Variants in ELOVL6 observed in about 807,000 individuals in gnomAD.
ELOVL6 encodes the protein very long chain fatty acid elongase 6.
In ELOVL6, 8 loss-of-function variants were observed where a neutral mutation model predicts 31.7. The observed-to-expected ratio is 0.25, with a 90% CI of 0.15 to 0.45. ELOVL6 has a LOEUF of 0.45. Ranked by LOEUF, ELOVL6 falls within the 20% of genes least tolerant of loss-of-function variation. The pLI is 1.00. For synonymous variants in ELOVL6, 101 were observed against 117.7 expected (o/e 0.86, Z 0.92); for missense variants, 126 against 326.4 (o/e 0.39, Z 4.73).
At chr4:110,132,816 G>A (rs1004542266) in intron 1 of ELOVL6, among the ~76,000 whole-genome samples, 11 of 151,922 alleles carry the variant, frequency 7.2e-5, no homozygotes, top group Admixed American at 2.6e-4. Context: ...CTCCAGCCTA[G>A]GCAGTACAGC....
rs58644594 is a variant in ELOVL6 at position 110,147,780 on chromosome 4, GACACACACAC to G, written c.90-42162_90-42153del. ...CACTGCAGCCCAGGTGACAGAGCAGGACACACACACACACACACACACACACACACACACA... is the reference window on the plus strand; with the variant it reads ...CACTGCAGCCCAGGTGACAGAGCAGGACACACACACACACACACACACACA... On this transcript the variant is annotated intron_variant, in intron 1 of 3. Coordinates refer to ENST00000302274, the MANE Select transcript of ELOVL6 (RefSeq NM_024090.3). Among the ~76,000 whole-genome samples the G allele has an allele frequency of 3.2e-4, 45 of 142,742 alleles. No homozygotes were observed. The East Asian group carries it at 3.2e-3, about 10-fold the overall frequency. 93.6% of individuals were successfully genotyped at this position (142,742 alleles called of 152,430 possible). A position where few individuals can be genotyped will look rare whatever the true frequency, so the allele number is the denominator to read the frequency against.
intron 1 of ELOVL6, among the ~76,000 whole-genome samples, chr4:110,196,174 G>T (rs1462505118): frequency 6.6e-6 from 1 of 152,190 alleles, no homozygotes; most frequent in South Asian, 2.1e-4. Flanking sequence ...GGAATGGCGG[G>T]CGTACAGTGA....
intron 1 of ELOVL6, among the ~76,000 whole-genome samples, chr4:110,148,473 G>A (rs1176876384): frequency 3.4e-5 from 5 of 147,964 alleles, no homozygotes; most frequent in Non-Finnish European, 6.0e-5. Flanking sequence ...GGTTACCAGA[G>A]GCCCAGAAGG....
At chr4:110,055,376 T>C (rs1578441505) in intron 3 of ELOVL6, among the ~76,000 whole-genome samples, 3 of 152,298 alleles carry the variant, frequency 2.0e-5, no homozygotes, top group Admixed American at 1.3e-4. Flanking sequence ...GGAAGGACAT[T>C]GGCCAAGTAC....
chr4:110,139,839 G>T (rs1757905427), intron 1 of ELOVL6, among the ~76,000 whole-genome samples: 1 of 152,118 alleles, frequency 6.6e-6, no homozygotes, highest in African/African-American at 2.4e-5. Flanking sequence ...TTCCCACTTG[G>T]TTGTAAATTA....
chr4:110,084,563 G>GATATATATATATATATATAT (rs1553956219), intron 2 of ELOVL6, among the ~76,000 whole-genome samples: 1 of 44,554 alleles, frequency 2.2e-5, no homozygotes, highest in Non-Finnish European at 3.4e-5. Context: ...CACACACACA[G>GATATATATATATATATATAT]ATATATATAT....
chr4:110,187,250 T>A (rs1042702716), intron 1 of ELOVL6, among the ~76,000 whole-genome samples: 1 of 151,504 alleles, frequency 6.6e-6, no homozygotes, highest in African/African-American at 2.4e-5. Flanking sequence ...AATTAAGAGG[T>A]CCTTTGACCT....
chr4:110,096,069 T>C (rs1285970486), intron 2 of ELOVL6, among the ~76,000 whole-genome samples: 4 of 152,178 alleles, frequency 2.6e-5, no homozygotes, highest in Non-Finnish European at 5.9e-5. Flanking sequence ...AAATAAGAAT[T>C]TGTTAGCAGT....
chr4:110,103,130 C>G (rs999371909), intron 2 of ELOVL6, among the ~76,000 whole-genome samples: 5 of 152,106 alleles, frequency 3.3e-5, no homozygotes. Flanking sequence ...CTGAGGTTCC[C>G]CAGCCATGTG....
At chr4:110,115,887 T>C (rs1757156032) in intron 1 of ELOVL6, among the ~76,000 whole-genome samples, 1 of 152,216 alleles carries the variant, frequency 6.6e-6, no homozygotes, top group Non-Finnish European at 1.5e-5. Flanking sequence ...ATCCATTTCC[T>C]TGCCTTTTCC....
At chr4:110,168,790 C>T (rs1758854245) in intron 1 of ELOVL6, among the ~76,000 whole-genome samples, 1 of 152,080 alleles carries the variant, frequency 6.6e-6, no homozygotes, top group Admixed American at 6.6e-5. Context: ...ACCAGGTGTC[C>T]CACCTTTTCC....
At chr4:110,115,820 G>A (rs72900506) in intron 1 of ELOVL6, among the ~76,000 whole-genome samples, 541 of 152,232 alleles carry the variant, frequency 3.6e-3, no homozygotes, top group African/African-American at 0.012. Flanking sequence ...TGAGTCTTAC[G>A]GGGCTAAAAT....
chr4:110,160,437 T>C (rs897146908), intron 1 of ELOVL6, among the ~76,000 whole-genome samples: 2 of 152,234 alleles, frequency 1.3e-5, no homozygotes. Flanking sequence ...GCTATGTATA[T>C]ACAAACTATA....
chr4:110,163,934 T>C (rs964904855), intron 1 of ELOVL6, among the ~76,000 whole-genome samples: 1 of 152,150 alleles, frequency 6.6e-6, no homozygotes, highest in Non-Finnish European at 1.5e-5. Flanking sequence ...TTGGGAGCAA[T>C]GAAAAGTTCT....
At chr4:110,165,678 A>G (rs915026584) in intron 1 of ELOVL6, among the ~76,000 whole-genome samples, 2 of 152,222 alleles carry the variant, frequency 1.3e-5, no homozygotes, top group Non-Finnish European at 2.9e-5. Flanking sequence ...AGATGAGTTA[A>G]TCACTTCTTT....
chr4:110,062,139 T>C (rs1212392043), intron 2 of ELOVL6, among the ~76,000 whole-genome samples: 1 of 152,098 alleles, frequency 6.6e-6, no homozygotes, highest in Non-Finnish European at 1.5e-5. Context: ...TAGGGGCAAA[T>C]AGGTATTCAC....
At chr4:110,061,336 G>C (rs1235664249) in intron 2 of ELOVL6, among the ~76,000 whole-genome samples, 1 of 151,904 alleles carries the variant, frequency 6.6e-6, no homozygotes, top group Non-Finnish European at 1.5e-5. Context: ...CAGGACCTTT[G>C]CATTTCTCCC....
chr4:110,056,125 G>GGGC (rs958078772), intron 3 of ELOVL6, among the ~76,000 whole-genome samples: 7 of 141,964 alleles, frequency 4.9e-5, no homozygotes, highest in Non-Finnish European at 9.0e-5. Flanking sequence ...TGGGAGCTGG[G>GGGC]GGGGGGGATA....
chr4:110,084,358 A>G lies in ELOVL6; in HGVS notation c.221+21139T>C, dbSNP rs1357387132. ...ATCACATATATGATATATGATATAT[A>G]CCGCATATATGATATATGATATATA... is the stretch of plus-strand genomic sequence containing the variant. On this transcript the variant is annotated intron_variant, in intron 2 of 3. Transcript: ENST00000302274. Among the ~76,000 whole-genome samples, 5 of 103,232 alleles carry G rather than the reference A, an allele frequency of 4.8e-5. 1 individual carries two copies. The South Asian group carries it at 1.3e-3, about 27-fold the overall frequency. 67.7% of individuals were successfully genotyped at this position (103,232 alleles called of 152,430 possible).
Sources: allele counts gnomAD v4.1 joint callset (sites outside exome capture counted in the v4.1 genomes callset), GRCh38; gene constraint gnomAD v4.1.1; transcripts MANE v1.5; gene names NCBI Gene and HGNC (gene_info 2026-07-23, HGNC 2026-07-21).